ADAMTSL1: variants seen among roughly 807,000 people sequenced by gnomAD.
ADAMTSL1 encodes the protein ADAMTS-like protein 1.
Under a neutral mutation model 201.8 loss-of-function variants are expected in ADAMTSL1, and 126 were observed. The observed-to-expected ratio is 0.62, with a 90% confidence interval of 0.54 to 0.72. The LOEUF (loss-of-function observed/expected upper bound fraction) is 0.72, where lower values mean the gene tolerates loss of function less well. Among genes scored for constraint, ADAMTSL1 ranks in the 30% least tolerant of loss-of-function variants. ADAMTSL1 has a pLI of 0.00. For missense variants in ADAMTSL1, 2,679 were observed against 2,277.8 expected (o/e 1.18, Z -3.59); for synonymous variants, 1,121 against 903.4 (o/e 1.24, Z -4.32).
chr9:18,867,089 A>C (rs10511663), intron 23 of ADAMTSL1, among the ~76,000 whole-genome samples: 3,933 of 152,336 alleles, frequency 0.026, 118 homozygotes, highest in South Asian at 0.13. Flanking sequence ...TATTCCAAGA[A>C]ACTATGTACC....
Position 18,656,907 on chromosome 9 carries a change from T to A in ADAMTSL1, c.835-732T>A, listed in dbSNP as rs188297253. ...TCAACCTTGTACTCTTAAGAACCAT[T>A]AAGGACTTGTCTCACATACCCCCTT... On this transcript the variant is annotated intron_variant, in intron 7 of 28. Transcript: ENST00000380548. Among the ~76,000 whole-genome samples, 33 of 152,264 alleles carry A rather than the reference T, an allele frequency of 2.2e-4. 1 individual carries two copies. In the East Asian group the frequency reaches 5.8e-3, roughly 27 times the overall value.
At position 18,713,745 on chromosome 9, in the gene ADAMTSL1, G is replaced by A. The variant is rs1301907253; in HGVS notation, c.1876+6697G>A. 1.6e-3 allele frequency among the ~76,000 whole-genome samples: 237 copies of A among 144,714 alleles called. 1 individual carries two copies. Among genetic ancestry groups the A allele is most frequent in the African/African-American group, 5.1e-3 (202 of 39,738 alleles). 94.9% of individuals were successfully genotyped at this position (144,714 alleles called of 152,430 possible). On this transcript the variant is annotated intron_variant, in intron 14 of 28. Transcript: ENST00000380548. ...AATTGAACTCAGCTCTGCACCAAGC[G>A]GACCTAATAGACATCTACAGAACTC...
At position 18,623,046 on chromosome 9, in the gene ADAMTSL1, C is replaced by T. The variant is rs568075977; in HGVS notation, c.601+677C>T. 4.8e-4 allele frequency among the ~76,000 whole-genome samples: 73 copies of T among 152,232 alleles called. No individual in the cohort carries two copies. In the Middle Eastern group the frequency reaches 0.02, roughly 43 times the overall value. The stretch of plus-strand genomic sequence containing the variant: ...AAGTAGCTGTGATTACAGATGCATG[C>T]CACCACACCCAGCTAATTTTTGTAT... On this transcript the variant is annotated intron_variant, in intron 5 of 28. Coordinates refer to ENST00000380548, the MANE Select transcript of ADAMTSL1 (RefSeq NM_001040272.6).
In ADAMTSL1 at chr9:18,364,485, A is replaced by G. The variant is rs563615965; in HGVS notation, c.208-140344A>G. 2.7e-4 allele frequency among the ~76,000 whole-genome samples: 41 copies of G among 152,292 alleles called. 2 individuals carry two copies. In the South Asian group the frequency reaches 8.3e-3, roughly 31 times the overall value. Reference sequence around the variant, plus strand: ...TAATCCCTTAGCTTAAAGAATTCCCAGAGAAAACTCCAAGAGACACGAGTT... The same window carrying G: ...TAATCCCTTAGCTTAAAGAATTCCCGGAGAAAACTCCAAGAGACACGAGTT... On this transcript the variant is annotated intron_variant, in intron 2 of 29. Coordinates refer to the ADAMTSL1 transcript ENST00000680146.
At chr9:18,537,901 G>A (rs1231804218) in intron 3 of ADAMTSL1, among the ~76,000 whole-genome samples, 1 of 131,216 alleles carries the variant, frequency 7.6e-6, no homozygotes, top group African/African-American at 3.0e-5. Context: ...AAAGAAGAAA[G>A]AAGAAGAAGA....
intron 2 of ADAMTSL1, among the ~76,000 whole-genome samples, chr9:18,438,318 A>G (rs1368210696): frequency 6.6e-6 from 1 of 152,096 alleles, no homozygotes; most frequent in African/African-American, 2.4e-5. Flanking sequence ...ACTTCTGGTG[A>G]AAATGGAGCT....
At chr9:18,607,038 C>G (rs1825064334) in intron 4 of ADAMTSL1, among the ~76,000 whole-genome samples, 1 of 152,124 alleles carries the variant, frequency 6.6e-6, no homozygotes, top group Admixed American at 6.6e-5. Flanking sequence ...AACCAGCCAA[C>G]AATGAGCAAT....
At chr9:18,638,632 G>C (rs149916232) in intron 6 of ADAMTSL1, among the ~76,000 whole-genome samples, 3 of 152,162 alleles carry the variant, frequency 2.0e-5, no homozygotes, top group African/African-American at 7.2e-5. Context: ...ATCTCAAGCA[G>C]TTATGAAATA....
chr9:18,221,377 C>G (rs555292078), intron 2 of ADAMTSL1, among the ~76,000 whole-genome samples: 1 of 152,286 alleles, frequency 6.6e-6, no homozygotes, highest in South Asian at 2.1e-4. Context: ...TATGTGTTCA[C>G]ACAGTGCCCC....
chr9:18,715,637 A>G (rs1483013272), intron 14 of ADAMTSL1, among the ~76,000 whole-genome samples: 5 of 152,312 alleles, frequency 3.3e-5, no homozygotes, highest in East Asian at 1.9e-4. Context: ...GGAAGAATCA[A>G]TATCATGAAA....
chr9:18,877,585 C>T (rs1243888896), intron 23 of ADAMTSL1, among the ~76,000 whole-genome samples: 1 of 152,150 alleles, frequency 6.6e-6, no homozygotes, highest in Non-Finnish European at 1.5e-5. Flanking sequence ...TGTGATTTGT[C>T]TTCAGGTCTC....
chr9:18,667,649 G>A (rs1042237972), intron 9 of ADAMTSL1, among the ~76,000 whole-genome samples: 3 of 152,068 alleles, frequency 2.0e-5, no homozygotes, highest in East Asian at 1.9e-4. Flanking sequence ...CATGATAAGC[G>A]CTCAATAAAT....
intron 1 of ADAMTSL1, among the ~76,000 whole-genome samples, chr9:17,993,354 G>A (rs117923523): frequency 6.6e-6 from 1 of 152,218 alleles, no homozygotes; most frequent in East Asian, 1.9e-4. Context: ...CTCTACATAT[G>A]TTTTCTGAGA....
At chr9:18,537,452 C>G (rs1819842736) in intron 3 of ADAMTSL1, among the ~76,000 whole-genome samples, 1 of 152,022 alleles carries the variant, frequency 6.6e-6, no homozygotes, top group Non-Finnish European at 1.5e-5. Flanking sequence ...GCCAATATAC[C>G]TAAAGTCTAG....
Position 18,639,366 on chromosome 9 carries a change from G to C in ADAMTSL1, c.789G>C (p.Glu263Asp), listed in dbSNP as rs1827301582. The change falls in exon 7 of 29, where the codon GAG becomes GAC. Residue 263 changes from glutamate to aspartate, a missense_variant. Coordinates refer to ENST00000380548, the MANE Select transcript of ADAMTSL1 (RefSeq NM_001040272.6). The stretch of plus-strand genomic sequence containing the variant: ...ACTTCCAGAAATTTCCAGACAAAGA[G>C]ATACTGAGAATGGCTGGACCACTCA... ...SVDFQKFPDKEILRMAGPLTA... is the reference protein window; with the variant it reads ...SVDFQKFPDKDILRMAGPLTA... The C allele has an allele frequency of 1.2e-6, 2 of 1,613,014 alleles. No individual in the cohort carries two copies. Among genetic ancestry groups the C allele is most frequent in the Non-Finnish European group, 1.7e-6 (2 of 1,179,274 alleles).
chr9:17,993,350 A>G (rs557649537), intron 1 of ADAMTSL1, among the ~76,000 whole-genome samples: 8 of 152,262 alleles, frequency 5.3e-5, no homozygotes, highest in African/African-American at 1.7e-4. Flanking sequence ...TTTTCTCTAC[A>G]TATGTTTTCT....
chr9:18,865,926 G>A (rs1357451231), intron 23 of ADAMTSL1, among the ~76,000 whole-genome samples: 3 of 151,982 alleles, frequency 2.0e-5, no homozygotes, highest in Non-Finnish European at 4.4e-5. Context: ...CATATACGTA[G>A]CTGGGAGGGA....
chr9:18,079,115 C>T (rs2131764547), intron 1 of ADAMTSL1, among the ~76,000 whole-genome samples: 1 of 152,236 alleles, frequency 6.6e-6, no homozygotes, highest in African/African-American at 2.4e-5. Context: ...GGCAGGTATC[C>T]CCAGATATCC....
intron 1 of ADAMTSL1, among the ~76,000 whole-genome samples, chr9:18,070,853 G>T (rs1160179732): frequency 1.3e-5 from 2 of 152,154 alleles, no homozygotes; most frequent in Non-Finnish European, 2.9e-5. Flanking sequence ...CCACCCCGAT[G>T]ATCTGATACT....
Sources: allele counts gnomAD v4.1 joint callset (sites outside exome capture counted in the v4.1 genomes callset), GRCh38; gene constraint gnomAD v4.1.1; transcripts MANE v1.5; gene names NCBI Gene and HGNC (gene_info 2026-07-23, HGNC 2026-07-21).